CPLX1: variants seen among roughly 807,000 people sequenced by gnomAD.
CPLX1 encodes the protein complexin 1.
A neutral mutation model predicts 15.6 loss-of-function variants in CPLX1; 6 were observed. That is an observed-to-expected ratio of 0.39 (90% CI 0.21 to 0.76). The LOEUF (loss-of-function observed/expected upper bound fraction) is 0.76. CPLX1 is among the 30% of genes least tolerant of loss of function. The pLI, the probability that CPLX1 is intolerant of heterozygous loss-of-function variation, is 0.43. For synonymous variants in CPLX1, 91 were observed against 75.2 expected (o/e 1.21, Z -1.08); for missense variants, 242 against 188.6 (o/e 1.28, Z -1.66).
intron 2 of CPLX1, among the ~76,000 whole-genome samples, chr4:803,537 T>C (rs1489454256): frequency 2.0e-5 from 3 of 151,064 alleles, no homozygotes; most frequent in Non-Finnish European, 4.4e-5. Context: ...ACTGCAGGCG[T>C]CCGCCACCGC....
intron 2 of CPLX1, among the ~76,000 whole-genome samples, chr4:794,056 G>A (rs560681409): frequency 2.0e-5 from 3 of 152,346 alleles, no homozygotes; most frequent in East Asian, 3.9e-4. Context: ...GGAGCCTGGG[G>A]CGACGCCCTC....
chr4:815,430 AG>A (rs1158769478), intron 2 of CPLX1, among the ~76,000 whole-genome samples: 6 of 150,960 alleles, frequency 4.0e-5, no homozygotes, highest in South Asian at 2.1e-4. Context: ...AAAAAAAAAA[AG>A]AACTACAGAA....
At chr4:814,844 G>A (rs1015702664) in intron 2 of CPLX1, among the ~76,000 whole-genome samples, 2 of 152,204 alleles carry the variant, frequency 1.3e-5, no homozygotes, top group African/African-American at 2.4e-5. Flanking sequence ...GCCATGGGTC[G>A]GGTAACTAGC....
intron 2 of CPLX1, among the ~76,000 whole-genome samples, chr4:800,515 C>G (rs535821794): frequency 1.4e-5 from 2 of 145,334 alleles, no homozygotes; most frequent in Admixed American, 6.9e-5. Flanking sequence ...CACACACAGA[C>G]ACATATATGT....
At chr4:798,272 C>CA (rs35668656) in intron 2 of CPLX1, among the ~76,000 whole-genome samples, 21,354 of 75,148 alleles carry the variant, frequency 0.28, 3,675 homozygotes, top group African/African-American at 0.51. Flanking sequence ...GACTCCGTCT[C>CA]AAAAAAAAAA....
intron 2 of CPLX1, among the ~76,000 whole-genome samples, chr4:815,036 A>G (rs1746726206): frequency 6.6e-6 from 1 of 152,276 alleles, no homozygotes; most frequent in East Asian, 1.9e-4. Context: ...AAAGAGAACG[A>G]ACATTTAGAA....
Position 792,518 on chromosome 4 carries a change from A to G in CPLX1, c.122T>C (p.Leu41Pro), listed in dbSNP as rs772092684. ...CTTGCGCTCCTCCTCCGCCTGGCGC[A>G]GCGCCTCCTGCCGCTCCTCCTCCTT... ...AKKEEERQEA[L>P]RQAEEERKAK... is the part of the protein sequence containing the mutation. Residue 41 changes from leucine (L) to proline (P), a missense_variant, in exon 3 of 4, where the codon CTG becomes CCG. Transcript: ENST00000304062. The G allele has an allele frequency of 6.2e-7, 1 of 1,612,948 alleles. No homozygotes were observed. The highest frequency in any genetic ancestry group is 8.5e-7 in the Non-Finnish European group (1 of 1,179,694).
At chr4:804,991 C>T (rs1746528693) in intron 2 of CPLX1, 3 of 962,202 alleles carry the variant, frequency 3.1e-6, no homozygotes, top group Non-Finnish European at 2.5e-6. Flanking sequence ...GGCGGGTGCT[C>T]CTCTGTGGAG....
At chr4:806,200 C>T (rs60018246) in intron 2 of CPLX1, among the ~76,000 whole-genome samples, 32,057 of 152,160 alleles carry the variant, frequency 0.21, 4,271 homozygotes, top group Middle Eastern at 0.35. Context: ...GGTACAAAAA[C>T]AGACACGTAG....
intron 2 of CPLX1, among the ~76,000 whole-genome samples, chr4:799,770 C>T (rs889506989): frequency 6.6e-6 from 1 of 152,090 alleles, no homozygotes; most frequent in African/African-American, 2.4e-5. Context: ...GGCTGAGGCA[C>T]AAGAATTGCT....
At chr4:800,472 T>TAAAAAAAA (rs1216635676) in intron 2 of CPLX1, among the ~76,000 whole-genome samples, 1 of 146,794 alleles carries the variant, frequency 6.8e-6, no homozygotes, top group African/African-American at 2.5e-5. Flanking sequence ...CCATCTCTAC[T>TAAAAAAAA]AAAAAATATA....
At chr4:812,022 T>C (rs1371124539) in intron 2 of CPLX1, among the ~76,000 whole-genome samples, 1 of 152,134 alleles carries the variant, frequency 6.6e-6, no homozygotes, top group African/African-American at 2.4e-5. Flanking sequence ...CCACTCAAGT[T>C]TTCTTCTTAT....
chr4:785,633 C>G lies in CPLX1; in HGVS notation c.*868G>C, dbSNP rs907480072. ...CTGCGCGCAGGGAACCCCGCAGGCC[C>G]CACCCGAGGAGCTGCCCACGGAGGA... is the stretch of plus-strand genomic sequence containing the variant. On this transcript the variant is annotated 3_prime_UTR_variant, in exon 4 of 4. Coordinates refer to ENST00000304062, the MANE Select transcript of CPLX1 (RefSeq NM_006651.4). The G allele has an allele frequency of 6.6e-6, 1 of 152,510 alleles. No individual in the cohort carries two copies. Among genetic ancestry groups the G allele is most frequent in the Non-Finnish European group, 1.5e-5 (1 of 68,138 alleles). The allele number at this position is 152,510 out of a possible 1,614,324, so 9.4% of individuals were successfully genotyped here. A position where few individuals can be genotyped will look rare whatever the true frequency, so the allele number is the denominator to read the frequency against.
intron 3 of CPLX1, among the ~76,000 whole-genome samples, chr4:790,529 C>A (rs962193829): frequency 5.3e-5 from 8 of 152,172 alleles, no homozygotes; most frequent in African/African-American, 1.7e-4. Context: ...CCACTCGGTC[C>A]CTGACGCTGC....
chr4:798,598 T>C (rs1247656484), intron 2 of CPLX1, among the ~76,000 whole-genome samples: 2 of 152,200 alleles, frequency 1.3e-5, no homozygotes, highest in Non-Finnish European at 2.9e-5. Context: ...GGTCTCACTA[T>C]GTTGCCCAGG....
chr4:815,519 C>T (rs891474680), intron 2 of CPLX1, among the ~76,000 whole-genome samples: 1 of 151,892 alleles, frequency 6.6e-6, no homozygotes, highest in Admixed American at 6.6e-5. Context: ...CATACAGCCA[C>T]GGAGGGGCAT....
intron 2 of CPLX1, among the ~76,000 whole-genome samples, chr4:800,853 A>G (rs10011889): frequency 0.36 from 51,253 of 143,100 alleles, 9,215 homozygotes; most frequent in African/African-American, 0.5. Context: ...ATATATGTAT[A>G]TATATATATA....
chr4:816,719 G>A (rs59898624), intron 2 of CPLX1, among the ~76,000 whole-genome samples: 10,307 of 152,174 alleles, frequency 0.068, 514 homozygotes, highest in East Asian at 0.22. Flanking sequence ...TTATTCAGGA[G>A]GCTAAGGTAG....
intron 2 of CPLX1, among the ~76,000 whole-genome samples, chr4:800,588 G>GTATA (rs886585727): frequency 1.6e-3 from 199 of 124,110 alleles, no homozygotes; most frequent in African/African-American, 5.7e-3. Context: ...GTATATATAT[G>GTATA]TATATATATA....
Sources: gnomAD v4.1 joint callset for allele counts (sites outside exome capture counted in the v4.1 genomes callset) on GRCh38, gnomAD v4.1.1 for gene constraint, MANE v1.5 for transcripts, NCBI Gene and HGNC (gene_info 2026-07-23, HGNC 2026-07-21) for gene names.